The following BBS9 variants were observed in gnomAD, a reference collection of about 807,000 sequenced individuals.
The protein encoded by BBS9 is protein PTHB1.
In BBS9, 89 loss-of-function variants were observed where a neutral mutation model predicts 117.7. The observed-to-expected ratio is 0.76, with a 90% CI of 0.64 to 0.90. BBS9 has a LOEUF of 0.90. BBS9 is among the 40% of genes least tolerant of loss of function. The pLI, the probability that BBS9 is intolerant of heterozygous loss-of-function variation, is 0.00. For synonymous variants in BBS9, 379 were observed against 370.9 expected (o/e 1.02, Z -0.25); for missense variants, 982 against 1,042.2 (o/e 0.94, Z 0.80).
At chr7:33,533,813 G>A in intron 20 of BBS9, 141 bp from the exon 21 acceptor site, 1 of 1,001,894 alleles carries the variant, frequency 1.0e-6, no homozygotes, top group Non-Finnish European at 1.5e-6. Context: ...AACCAGCCTA[G>A]TCTGGAATAT....
chr7:33,188,015 A>G (rs953250718), intron 5 of BBS9, among the ~76,000 whole-genome samples: 5 of 151,358 alleles, frequency 3.3e-5, no homozygotes, highest in South Asian at 2.1e-4. Context: ...GAGGCAAATC[A>G]TGATAGAGAT....
rs185973998 is a variant in BBS9, at chr7:33,290,811, T to A, written c.1016+16855T>A. The stretch of plus-strand genomic sequence containing the variant: ...TGTATCATTGAAATGAATTACTTTT[T>A]AAGTAAGGAGTATGGTTATAAATAG... On this transcript the variant is annotated intron_variant, in intron 9 of 22. Coordinates refer to ENST00000242067, the MANE Select transcript of BBS9 (RefSeq NM_198428.3). 3.3e-3 allele frequency among the ~76,000 whole-genome samples: 505 copies of A among 152,330 alleles called. 2 individuals carry two copies. The highest frequency in any genetic ancestry group is 0.012 in the African/African-American group (483 of 41,576).
chr7:33,164,084 A>T (rs1322716805), intron 4 of BBS9, among the ~76,000 whole-genome samples: 1 of 152,122 alleles, frequency 6.6e-6, no homozygotes, highest in East Asian at 1.9e-4. Context: ...TCATTTCGTT[A>T]TGTACCCAGT....
chr7:33,503,065 C>T (rs764067763), intron 19 of BBS9, among the ~76,000 whole-genome samples: 6 of 152,068 alleles, frequency 3.9e-5, no homozygotes, highest in South Asian at 2.1e-4. Context: ...TACCATTAAT[C>T]GTTACATTAA....
intron 9 of BBS9, among the ~76,000 whole-genome samples, chr7:33,311,731 C>T (rs901881220): frequency 7.2e-5 from 11 of 151,950 alleles, no homozygotes; most frequent in Admixed American, 3.9e-4. Flanking sequence ...ACAGGATAAT[C>T]GCTTGAACCT....
chr7:33,245,826 A>C (rs1383556911), intron 5 of BBS9, among the ~76,000 whole-genome samples: 1 of 152,192 alleles, frequency 6.6e-6, no homozygotes, highest in African/African-American at 2.4e-5. Context: ...AAACATCTTT[A>C]AGGACTTAAG....
At chr7:33,156,319 T>C (rs1456072900) in intron 4 of BBS9, among the ~76,000 whole-genome samples, 1 of 152,234 alleles carries the variant, frequency 6.6e-6, no homozygotes, top group East Asian at 1.9e-4. Context: ...ATTTCAATTA[T>C]TAGATAAGTT....
chr7:33,483,581 A>G (rs1235593325), intron 19 of BBS9, among the ~76,000 whole-genome samples: 1 of 152,032 alleles, frequency 6.6e-6, no homozygotes, highest in African/African-American at 2.4e-5. Context: ...TGAATTCAGT[A>G]TCACGTGATA....
intron 5 of BBS9, among the ~76,000 whole-genome samples, chr7:33,215,995 C>CTTG (rs35657125): frequency 0.83 from 125,335 of 151,920 alleles, 51,714 homozygotes; most frequent in Admixed American, 0.86. Flanking sequence ...AATGCTGATT[C>CTTG]CATTCAGCAG....
intron 19 of BBS9, among the ~76,000 whole-genome samples, chr7:33,503,250 A>G (rs1317993410): frequency 6.6e-6 from 1 of 152,230 alleles, no homozygotes; most frequent in African/African-American, 2.4e-5. Flanking sequence ...AGGCCCGTCA[A>G]AGCTCGAGCA....
chr7:33,503,715 C>T (rs1845766069), intron 19 of BBS9, among the ~76,000 whole-genome samples: 1 of 149,498 alleles, frequency 6.7e-6, no homozygotes, highest in Non-Finnish European at 1.5e-5. Flanking sequence ...GTGATGGCCC[C>T]ACAATGAGGC....
intron 17 of BBS9, among the ~76,000 whole-genome samples, chr7:33,372,074 T>C (rs983085821): frequency 1.3e-5 from 2 of 151,948 alleles, no homozygotes; most frequent in African/African-American, 4.8e-5. Context: ...GGAAGTAAAG[T>C]AGTAGGAGTT....
chr7:33,336,814 C>A (rs571308723), intron 10 of BBS9, among the ~76,000 whole-genome samples, 192 bp downstream of exon 10: 1 of 152,010 alleles, frequency 6.6e-6, no homozygotes, highest in Non-Finnish European at 1.5e-5. Flanking sequence ...CTTCTGAAAA[C>A]GTATTTTATT....
At chr7:33,207,773 C>T (rs529249082) in intron 5 of BBS9, among the ~76,000 whole-genome samples, 1 of 152,072 alleles carries the variant, frequency 6.6e-6, no homozygotes, top group Admixed American at 6.5e-5. Context: ...TACATATATG[C>T]ACATGTGCAC....
chr7:33,567,419 G>A (rs1320538232), intron 21 of BBS9, among the ~76,000 whole-genome samples: 1 of 152,096 alleles, frequency 6.6e-6, no homozygotes, highest in Non-Finnish European at 1.5e-5. Flanking sequence ...CTTTTGAGCA[G>A]TATTTGGTGC....
At chr7:33,286,225 C>G (rs1343797163) in intron 9 of BBS9, among the ~76,000 whole-genome samples, 1 of 152,078 alleles carries the variant, frequency 6.6e-6, no homozygotes, top group African/African-American at 2.4e-5. Flanking sequence ...AAATGAAACT[C>G]TCAATCTCCA....
chr7:33,309,587 AGAAGGTAG>A (rs1808763084), intron 9 of BBS9, among the ~76,000 whole-genome samples: 1 of 152,222 alleles, frequency 6.6e-6, no homozygotes, highest in South Asian at 2.1e-4. Flanking sequence ...ATAAGAAATA[AGAAGGTAG>A]GAAAAGGGAC....
chr7:33,560,013 C>A (rs1855854574), intron 21 of BBS9, among the ~76,000 whole-genome samples: 1 of 152,114 alleles, frequency 6.6e-6, no homozygotes, highest in Admixed American at 6.5e-5. Flanking sequence ...CATGACTCTT[C>A]CCCTGACCCA....
At chr7:33,270,181 T>A (rs1187758860) in intron 7 of BBS9, among the ~76,000 whole-genome samples, 1 of 152,092 alleles carries the variant, frequency 6.6e-6, no homozygotes, top group Non-Finnish European at 1.5e-5. Flanking sequence ...TTCAGCCCTC[T>A]GAAAACATCC....
Sources: gnomAD v4.1 joint callset for allele counts (sites outside exome capture counted in the v4.1 genomes callset) on GRCh38, gnomAD v4.1.1 for gene constraint, MANE v1.5 for transcripts, NCBI Gene and HGNC (gene_info 2026-07-23, HGNC 2026-07-21) for gene names.